The following ABCA6 variants were observed in gnomAD, a reference collection of about 807,000 sequenced individuals.
The protein encoded by ABCA6 is ATP binding cassette subfamily A member 6, also known as ATP-binding cassette sub-family A member 6.
Under a neutral mutation model 191.2 loss-of-function variants are expected in ABCA6, and 164 were observed. The observed-to-expected ratio is 0.86, with a 90% CI of 0.76 to 0.98. The LOEUF (loss-of-function observed/expected upper bound fraction) is 0.98, where lower values mean the gene tolerates loss of function less well. Ranked by LOEUF, ABCA6 falls within the 50% of genes least tolerant of loss-of-function variation. ABCA6 has a pLI of 0.00. For missense variants in ABCA6, 1,958 were observed against 1,894.1 expected, an observed-to-expected ratio of 1.03 and a Z score of -0.63; for synonymous variants, 636 against 647.7, an observed-to-expected ratio of 0.98 and a Z score of 0.27.
At chr17:69,117,856 G>T (rs757433982) in intron 11 of ABCA6, 42 bp downstream of exon 11, 1 of 1,388,742 alleles carries the variant, frequency 7.2e-7, no homozygotes, top group Non-Finnish European at 1.0e-6. Flanking sequence ...TTATAATAAA[G>T]AAAGAAGTGA....
intron 2 of ABCA6, among the ~76,000 whole-genome samples, chr17:69,139,325 A>G (rs1474341517): frequency 6.6e-6 from 1 of 152,232 alleles, no homozygotes; most frequent in South Asian, 2.1e-4. Context: ...ACATTTATGC[A>G]GCCAAAAGAC....
intron 12 of ABCA6, among the ~76,000 whole-genome samples, 164 bp downstream of exon 12, chr17:69,115,212 G>A (rs2073514664): frequency 6.6e-6 from 1 of 152,020 alleles, no homozygotes; most frequent in Non-Finnish European, 1.5e-5. Context: ...TTATAAAATT[G>A]CAGAAATATG....
Position 69,129,699 on chromosome 17 carries a change from C to A in ABCA6, c.844G>T (p.Val282Phe). Residue 282 changes from valine (V) to phenylalanine (F), a missense_variant, in exon 7 of 39, where the codon GTT (valine) becomes TTT (phenylalanine). Coordinates refer to ENST00000284425, the MANE Select transcript of ABCA6 (RefSeq NM_080284.3). ...AGFIFIISIF[V>F]TIIITFTQII... ...TGGGTGAATGTTATGATAATTGTAA[C>A]GAATATGGAAATAATAAAGATGAAG... 2 of 1,603,192 alleles carry A rather than the reference C, an allele frequency of 1.2e-6. No homozygotes were observed. Among genetic ancestry groups the A allele is most frequent in the South Asian group, 2.2e-5 (2 of 90,438 alleles).
chr17:69,085,295 T>C, intron 31 of ABCA6, 113 bp from the exon 32 acceptor site: 1 of 971,520 alleles, frequency 1.0e-6, no homozygotes, highest in Non-Finnish European at 1.5e-6. Flanking sequence ...AAATAAATAC[T>C]ATAGAAATTA....
intron 27 of ABCA6, 94 bp from the exon 28 acceptor site, chr17:69,088,352 A>G: frequency 1.0e-6 from 1 of 966,040 alleles, no homozygotes. Flanking sequence ...TCTTTGGGTA[A>G]ATAGTTGTGG....
chr17:69,133,951 A>G lies in ABCA6; in HGVS notation c.565-84T>C, dbSNP rs927576735. The G allele has an allele frequency of 4.1e-6, 4 of 983,638 alleles. No homozygotes were observed. In the African/African-American group the frequency reaches 5.0e-5, roughly 12 times the overall value. 60.9% of individuals were successfully genotyped at this position (983,638 alleles called of 1,614,324 possible). On this transcript the variant is annotated intron_variant, in intron 5 of 38. Transcript: ENST00000284425. ...TGAGTAAGCTCTGTGTATTTTACTT[A>G]TGTCGGTTCTCCAATTTTTCTTACT...
intron 2 of ABCA6, among the ~76,000 whole-genome samples, chr17:69,138,326 T>C (rs920196234): frequency 2.0e-5 from 3 of 152,190 alleles, no homozygotes; most frequent in African/African-American, 7.2e-5. Flanking sequence ...CATTTGCTTG[T>C]ATCCTCTTTT....
rs2072553639 is a variant in ABCA6 at position 69,078,801 on chromosome 17, A to G, written c.*172T>C. The G allele has an allele frequency of 2.2e-6, 1 of 445,948 alleles. No homozygotes were observed. 27.6% of individuals were successfully genotyped at this position (445,948 alleles called of 1,614,324 possible). ...TTGCCTTTATCACAGGTTTGCTATC[A>G]CCCCTATGTTTGAGAGGAAGAATAA... On this transcript the variant is annotated 3_prime_UTR_variant, in exon 39 of 39. Transcript: ENST00000284425.
At chr17:69,129,212 G>A (rs769568960) in intron 7 of ABCA6, among the ~76,000 whole-genome samples, 46 of 152,218 alleles carry the variant, frequency 3.0e-4, no homozygotes, top group Non-Finnish European at 5.9e-4. Flanking sequence ...GAAACGAGAA[G>A]TAAGTATGAG....
rs2073908404 is a variant in ABCA6 at position 69,133,962 on chromosome 17, C to A, written c.565-95G>T. The stretch of plus-strand genomic sequence containing the variant: ...TGTGTATTTTACTTATGTCGGTTCT[C>A]CAATTTTTCTTACTGTACTGTAGTT... On this transcript the variant is annotated intron_variant, in intron 5 of 38. Transcript: ENST00000284425. 3.4e-6 allele frequency: 3 copies of A among 879,356 alleles called. No individual in the cohort carries two copies. In the East Asian group the frequency reaches 8.1e-5, roughly 24 times the overall value. 54.5% of individuals were successfully genotyped at this position (879,356 alleles called of 1,614,324 possible). A position where few individuals can be genotyped will look rare whatever the true frequency, so the allele number is the denominator to read the frequency against.
chr17:69,082,994 G>A lies in ABCA6; in HGVS notation c.4495C>T (p.His1499Tyr). ...TCCTTGCCAAGTTTGTTTTTCAGGT[G>A]TTGGATGGAGCCAATGCATCTATGG... Reference protein sequence around the residue: ...GRLRCIGSIQHLKNKLGKDYI... With the variant: ...GRLRCIGSIQYLKNKLGKDYI... The change falls in exon 36 of 39, where the codon CAC becomes TAC. Residue 1499 changes from histidine to tyrosine, a missense_variant. His to Tyr is a moderately conservative substitution (Grantham distance 83). Coordinates refer to ENST00000284425, the MANE Select transcript of ABCA6 (RefSeq NM_080284.3). 1.9e-6 allele frequency: 3 copies of A among 1,614,178 alleles called. No individual in the cohort carries two copies. Among genetic ancestry groups the A allele is most frequent in the Non-Finnish European group, 1.7e-6 (2 of 1,180,022 alleles).
At chr17:69,120,605 T>C (rs907628379) in intron 10 of ABCA6, among the ~76,000 whole-genome samples, 1 of 152,088 alleles carries the variant, frequency 6.6e-6, no homozygotes, top group African/African-American at 2.4e-5. Context: ...TAAAAGATGA[T>C]GAGTCTCACC....
intron 4 of ABCA6, chr17:69,135,637 C>T (rs1414228830): frequency 3.0e-5 from 6 of 199,262 alleles, no homozygotes; most frequent in Admixed American, 3.0e-4. Context: ...CTATCTGAAA[C>T]ACAATGCTTC....
intron 10 of ABCA6, 103 bp from the exon 11 acceptor site, chr17:69,118,059 T>C (rs867663326): frequency 4.1e-6 from 3 of 733,292 alleles, no homozygotes; most frequent in African/African-American, 3.7e-5. Context: ...AACCACTTTA[T>C]GTGAAATAAG....
At chr17:69,092,492 C>G (rs1187489372) in intron 25 of ABCA6, among the ~76,000 whole-genome samples, 1 of 152,114 alleles carries the variant, frequency 6.6e-6, no homozygotes, top group Non-Finnish European at 1.5e-5. Flanking sequence ...AGAGAGGAGT[C>G]TAAACTTTGA....
Position 69,096,818 on chromosome 17 carries a change from A to G in ABCA6, c.3121-17T>C. On this transcript the variant is annotated splice_polypyrimidine_tract_variant and intron_variant, in intron 23 of 38. Coordinates refer to ENST00000284425, the MANE Select transcript of ABCA6 (RefSeq NM_080284.3). ...AGCATTTTTCTGATTAAAAAAAAAA[A>G]GAAAGAAAGAAATGTATATAGATTC... is the stretch of plus-strand genomic sequence containing the variant. 1 of 1,507,016 alleles carries G rather than the reference A, an allele frequency of 6.6e-7. No homozygotes were observed. The highest frequency in any genetic ancestry group is 2.6e-5 in the Admixed American group (1 of 38,984). The allele number at this position is 1,507,016 out of a possible 1,614,324, so 93.4% of individuals were successfully genotyped here. A position where few individuals can be genotyped will look rare whatever the true frequency, so the allele number is the denominator to read the frequency against.
At chr17:69,081,889 C>A (rs979568002) in intron 36 of ABCA6, among the ~76,000 whole-genome samples, 1 of 152,168 alleles carries the variant, frequency 6.6e-6, no homozygotes, top group South Asian at 2.1e-4. Flanking sequence ...CAAAATACTT[C>A]CTGACCTCTA....
intron 34 of ABCA6, 34 bp from the exon 35 acceptor site, chr17:69,083,365 ATAAC>A (rs2072690434): frequency 6.5e-7 from 1 of 1,539,866 alleles, no homozygotes; most frequent in African/African-American, 1.4e-5. Flanking sequence ...AGTATTTAAA[ATAAC>A]TAAGTGCAGA....
intron 17 of ABCA6, chr17:69,108,044 T>C: frequency 2.3e-6 from 1 of 435,388 alleles, no homozygotes; most frequent in South Asian, 2.8e-5. Flanking sequence ...CCATTCTCAG[T>C]TTATGAGCTT....
Sources: allele counts gnomAD v4.1 joint callset (sites outside exome capture counted in the v4.1 genomes callset), GRCh38; gene constraint gnomAD v4.1.1; transcripts MANE v1.5; gene names NCBI Gene and HGNC (gene_info 2026-07-23, HGNC 2026-07-21).